Variants in FAM153A observed in about 807,000 individuals in gnomAD.
FAM153A encodes the protein family with sequence similarity 153 member A, also known as protein FAM153A.
In FAM153A, 12 loss-of-function variants were observed where a neutral mutation model predicts 48.1. The ratio of observed to expected loss-of-function variants is 0.25; its 90% CI spans 0.16 to 0.40. The LOEUF (loss-of-function observed/expected upper bound fraction) is 0.40. Ranked by LOEUF, FAM153A falls within the 10% of genes least tolerant of loss-of-function variation. The pLI is 1.00. For missense variants in FAM153A, 111 were observed against 345.8 expected (o/e 0.32, Z 5.38); for synonymous variants, 36 against 118.2 (o/e 0.30, Z 4.51).
downstream of FAM153A, among the ~76,000 whole-genome samples, chr5:177,710,098 T>C (rs1468195534): frequency 1.3e-5 from 2 of 148,752 alleles, no homozygotes; most frequent in Non-Finnish European, 3.0e-5. Flanking sequence ...GTTCTGTATA[T>C]GGTAGTGTTT....
At chr5:177,734,739 T>C in intron 13 of FAM153A, 124 bp downstream of exon 15, 3 of 1,537,084 alleles carry the variant, frequency 2.0e-6, no homozygotes, top group Non-Finnish European at 8.9e-7. Flanking sequence ...TCACTTACCA[T>C]TTCCCTCAAG....
rs951358588 is a variant in FAM153A at position 177,735,169 on chromosome 5, G to A, written c.665-236C>T. Among the ~76,000 whole-genome samples, 25 of 150,438 alleles carry A rather than the reference G, an allele frequency of 1.7e-4. 2 individuals carry two copies. The highest frequency in any genetic ancestry group is 6.0e-4 in the African/African-American group (24 of 40,162). On this transcript the variant is annotated intron_variant, in intron 12 of 20. Coordinates refer to ENST00000614127, the Ensembl canonical transcript of FAM153A. ...TGTGTGTCCCTGGCAGCCTCTTAGG[G>A]CTCCTCCTTCCTAATCTGACCTGAG... is the stretch of plus-strand genomic sequence containing the variant.
chr5:177,713,381 G>T (rs1434117126), intron 26 of FAM153A, among the ~76,000 whole-genome samples: 1 of 150,782 alleles, frequency 6.6e-6, no homozygotes, highest in African/African-American at 2.5e-5. Context: ...CTCCCGAGTA[G>T]CTGGGACTAG....
At chr5:177,695,261 T>A in the FAM153A span, among the ~76,000 whole-genome samples, 3,566 of 138,964 alleles carry the variant, frequency 0.026, no homozygotes, top group African/African-American at 0.061. Context: ...TGACTCTTTT[T>A]AAGCTATTTT....
intron 1 of FAM153A, among the ~76,000 whole-genome samples, chr5:177,764,736 C>A (rs558952583): frequency 2.6e-5 from 4 of 151,942 alleles, no homozygotes; most frequent in Admixed American, 1.3e-4. Flanking sequence ...AACAACTAGG[C>A]TCAGCCAGTG....
intron 1 of FAM153A, among the ~76,000 whole-genome samples, chr5:177,766,186 G>A (rs1768747249): frequency 9.4e-6 from 1 of 105,872 alleles, no homozygotes; most frequent in Non-Finnish European, 2.1e-5. Context: ...AGAAAGACAA[G>A]TACTGAGCTT....
the FAM153A span, among the ~76,000 whole-genome samples, chr5:177,694,455 CTG>C: frequency 9.3e-6 from 1 of 107,770 alleles, no homozygotes; most frequent in Non-Finnish European, 1.9e-5. Context: ...TGGTGACTAT[CTG>C]GGGCTGGTGG....
At chr5:177,756,580 T>A (rs1767760185), upstream of FAM153A, among the ~76,000 whole-genome samples, 1 of 150,654 alleles carries the variant, frequency 6.6e-6, no homozygotes, top group Admixed American at 6.6e-5. Flanking sequence ...GACCACATAG[T>A]TGGAAGTAAA....
chr5:177,735,170 C>T (rs984426200), intron 12 of FAM153A, among the ~76,000 whole-genome samples: 2 of 150,534 alleles, frequency 1.3e-5, no homozygotes, highest in South Asian at 2.1e-4. Flanking sequence ...CCTCTTAGGG[C>T]TCCTCCTTCC....
chr5:177,725,692 A>C (rs1762291599), intron 18 of FAM153A, among the ~76,000 whole-genome samples: 1 of 151,498 alleles, frequency 6.6e-6, no homozygotes, highest in Non-Finnish European at 1.5e-5. Flanking sequence ...GCTGAGCCAG[A>C]GAGGAGGGTG....
At chr5:177,760,235 CTTT>C (rs56901584) in intron 1 of FAM153A, among the ~76,000 whole-genome samples, 3 of 96,216 alleles carry the variant, frequency 3.1e-5, no homozygotes, top group Non-Finnish European at 4.0e-5. Context: ...TGGGAAAGAC[CTTT>C]TTTTTTTTTT....
At chr5:177,754,726 G>T (rs1410860682), upstream of FAM153A, among the ~76,000 whole-genome samples, 6 of 151,900 alleles carry the variant, frequency 3.9e-5, no homozygotes, top group Non-Finnish European at 8.8e-5. Flanking sequence ...AGGCAAACAA[G>T]GTCCGGAGTG....
intron 26 of FAM153A, among the ~76,000 whole-genome samples, chr5:177,713,417 ATT>A (rs1033701174): frequency 7.0e-6 from 1 of 143,196 alleles, no homozygotes; most frequent in African/African-American, 2.6e-5. Context: ...TGCCCAGCTA[ATT>A]TTTTTTTTTT....
At chr5:177,706,573 GAC>G (rs1417466014), downstream of FAM153A, 1 of 151,914 alleles carries the variant, frequency 6.6e-6, no homozygotes. Flanking sequence ...GACAAATCAA[GAC>G]AATTTTATTT....
chr5:177,694,331 G>A, the FAM153A span, among the ~76,000 whole-genome samples: 2 of 137,668 alleles, frequency 1.5e-5, no homozygotes, highest in Non-Finnish European at 3.1e-5. Flanking sequence ...ACCTTTAGTT[G>A]TCTCTGTGCT....
chr5:177,699,403 T>C, the FAM153A span, among the ~76,000 whole-genome samples: 3 of 151,296 alleles, frequency 2.0e-5, no homozygotes, highest in Non-Finnish European at 2.9e-5. Context: ...AAACCAGAAG[T>C]TGGTTCTTTG....
chr5:177,701,452 C>T, the FAM153A span, among the ~76,000 whole-genome samples: 2 of 151,736 alleles, frequency 1.3e-5, no homozygotes, highest in African/African-American at 4.9e-5. Context: ...ATAATCCCAG[C>T]TACTTGGGTG....
At chr5:177,709,258 T>A (rs1220175488), downstream of FAM153A, among the ~76,000 whole-genome samples, 1 of 22,298 alleles carries the variant, frequency 4.5e-5, no homozygotes, top group Non-Finnish European at 1.1e-4. Flanking sequence ...AAAAGGAATC[T>A]TTTTTTTTTT....
chr5:177,735,139 C>T (rs1425259700), intron 12 of FAM153A, among the ~76,000 whole-genome samples: 3 of 150,092 alleles, frequency 2.0e-5, no homozygotes, highest in African/African-American at 5.0e-5. Context: ...CCACGCAGTG[C>T]AGGCTGTGTG....
Sources: allele counts gnomAD v4.1 joint callset (sites outside exome capture counted in the v4.1 genomes callset), GRCh38; gene constraint gnomAD v4.1.1; transcripts MANE v1.5; gene names NCBI Gene and HGNC (gene_info 2026-07-23, HGNC 2026-07-21).